TPTE2: variants seen among roughly 807,000 people sequenced by gnomAD.
The protein encoded by TPTE2 is phosphatidylinositol 3,4,5-trisphosphate 3-phosphatase TPTE2.
TPTE2 carries 53 observed loss-of-function variants against 78.6 expected under a neutral mutation model. The ratio of observed to expected loss-of-function variants is 0.67; its 90% confidence interval spans 0.54 to 0.85. The LOEUF (loss-of-function observed/expected upper bound fraction) is 0.85, where lower values mean the gene tolerates loss of function less well. Ranked by LOEUF, TPTE2 falls within the 40% of genes least tolerant of loss-of-function variation. The pLI, the probability that TPTE2 is intolerant of heterozygous loss-of-function variation, is 0.00. For missense variants in TPTE2, 461 were observed against 623.0 expected, an observed-to-expected ratio of 0.74 and a Z score of 2.77; for synonymous variants, 175 against 206.2, an observed-to-expected ratio of 0.85 and a Z score of 1.30.
intron 7 of TPTE2, among the ~76,000 whole-genome samples, chr13:19,466,993 T>C (rs904806957): frequency 5.9e-5 from 9 of 152,228 alleles, no homozygotes; most frequent in African/African-American, 2.2e-4. Flanking sequence ...GGTACTGCCA[T>C]CTTCTTTATT....
the TPTE2 span, among the ~76,000 whole-genome samples, chr13:19,550,304 T>C: frequency 5.3e-5 from 8 of 152,348 alleles, no homozygotes; most frequent in Non-Finnish European, 1.0e-4. Context: ...ATAAATTCCG[T>C]TGGAGTTTGA....
intron 1 of TPTE2, among the ~76,000 whole-genome samples, chr13:19,524,478 A>C (rs752652723): frequency 2.0e-5 from 3 of 152,234 alleles, no homozygotes; most frequent in Non-Finnish European, 4.4e-5. Context: ...AGGATACCCA[A>C]AGTTAAAGTT....
intron 13 of TPTE2, among the ~76,000 whole-genome samples, chr13:19,445,254 G>GA (rs1877750862): frequency 6.6e-6 from 1 of 151,786 alleles, no homozygotes; most frequent in South Asian, 2.1e-4. Context: ...ACAATCAGGA[G>GA]AAAAAAGATG....
intron 7 of TPTE2, among the ~76,000 whole-genome samples, chr13:19,466,286 T>C (rs1879264567): frequency 6.6e-6 from 1 of 152,202 alleles, no homozygotes; most frequent in African/African-American, 2.4e-5. Context: ...CTTCTTATAT[T>C]TCTAGCAAGC....
intron 6 of TPTE2, among the ~76,000 whole-genome samples, chr13:19,472,639 T>C (rs1045092806): frequency 2.6e-5 from 4 of 152,234 alleles, no homozygotes; most frequent in African/African-American, 9.6e-5. Flanking sequence ...GTCACATATA[T>C]CTGTTTCTAC....
chr13:19,539,106 T>C (rs1352075326), upstream of TPTE2, among the ~76,000 whole-genome samples: 1 of 152,174 alleles, frequency 6.6e-6, no homozygotes, highest in African/African-American at 2.4e-5. Flanking sequence ...CATTAATCCA[T>C]GTGTGGATTA....
chr13:19,437,907 C>A (rs753764848), intron 14 of TPTE2, among the ~76,000 whole-genome samples, 185 bp downstream of exon 17: 83 of 152,136 alleles, frequency 5.5e-4, no homozygotes, highest in Non-Finnish European at 9.3e-4. Context: ...ATTCTGCAGT[C>A]AGCTACTAAC....
rs921254840 is a variant in TPTE2, at chr13:19,514,307, G to A, written c.-43-11030C>T. On this transcript the variant is annotated intron_variant, in intron 1 of 17. Coordinates refer to the TPTE2 transcript ENST00000390680. ...GTTACCAAAGATGCTTAAAGTCTCT[G>A]ATTGAAAGCTGTTATTGCCATTGAT... Among the ~76,000 whole-genome samples, 21 of 152,222 alleles carry A rather than the reference G, an allele frequency of 1.4e-4. No individual in the cohort carries two copies. In the Middle Eastern group the frequency reaches 0.01, roughly 74 times the overall value.
At chr13:19,539,863 G>A (rs1045809224), upstream of TPTE2, among the ~76,000 whole-genome samples, 10 of 152,072 alleles carry the variant, frequency 6.6e-5, no homozygotes, top group African/African-American at 2.4e-4. Context: ...ATCCCATTGG[G>A]GCCAGGCATG....
chr13:19,437,608 A>G (rs1877190888), intron 14 of TPTE2, among the ~76,000 whole-genome samples: 1 of 152,192 alleles, frequency 6.6e-6, no homozygotes, highest in South Asian at 2.1e-4. Context: ...CGAGGAAGGA[A>G]GAAGTCATGG....
At chr13:19,476,382 T>C (rs183351107) in intron 4 of TPTE2, among the ~76,000 whole-genome samples, 2 of 148,112 alleles carry the variant, frequency 1.4e-5, no homozygotes, top group African/African-American at 5.0e-5. Context: ...CACAGGAGAC[T>C]TCAGTAGGAG....
At chr13:19,550,600 A>C in the TPTE2 span, among the ~76,000 whole-genome samples, 1 of 152,204 alleles carries the variant, frequency 6.6e-6, no homozygotes, top group African/African-American at 2.4e-5. Flanking sequence ...TACTCCTCAC[A>C]CCAATCTCAT....
At chr13:19,504,506 G>A (rs1157130230), upstream of TPTE2, among the ~76,000 whole-genome samples, 4 of 151,742 alleles carry the variant, frequency 2.6e-5, no homozygotes, top group Admixed American at 1.3e-4. Context: ...TTTTTTCCCC[G>A]AGGGCTCCAC....
intron 1 of TPTE2, among the ~76,000 whole-genome samples, chr13:19,536,237 A>T (rs1871205729): frequency 6.6e-6 from 1 of 152,192 alleles, no homozygotes; most frequent in Admixed American, 6.5e-5. Flanking sequence ...TGTCTACATT[A>T]TGTGCTCATT....
upstream of TPTE2, among the ~76,000 whole-genome samples, chr13:19,504,426 T>C (rs1274813620): frequency 6.6e-6 from 1 of 152,048 alleles, no homozygotes; most frequent in African/African-American, 2.4e-5. Flanking sequence ...GGTGTGGGCT[T>C]GTAGTGTTAG....
intron 10 of TPTE2, among the ~76,000 whole-genome samples, chr13:19,461,992 A>T (rs1593371202): frequency 7.2e-6 from 1 of 138,714 alleles, no homozygotes; most frequent in Non-Finnish European, 1.5e-5. Flanking sequence ...TGGGAATTTG[A>T]TCTGTTTACA....
rs779899870 is a variant in TPTE2, at chr13:19,489,347, T to C, written c.119+3503A>G. On this transcript the variant is annotated intron_variant, in intron 3 of 19. Coordinates refer to ENST00000400230, the Ensembl canonical transcript of TPTE2. Reference sequence around the variant, plus strand: ...TACAAACCTTCAGTTTATAAAAAAGTAATATCTGAGGGGCAATAAAGTAAA... The same window carrying C: ...TACAAACCTTCAGTTTATAAAAAAGCAATATCTGAGGGGCAATAAAGTAAA... 2.8e-4 allele frequency among the ~76,000 whole-genome samples: 42 copies of C among 152,008 alleles called. 1 individual carries two copies. The highest frequency in any genetic ancestry group is 3.4e-3 in the Middle Eastern group (1 of 292).
At chr13:19,439,897 A>T (rs2137502464) in intron 13 of TPTE2, among the ~76,000 whole-genome samples, 1 of 152,338 alleles carries the variant, frequency 6.6e-6, no homozygotes, top group East Asian at 1.9e-4. Flanking sequence ...ATCCAGTCAG[A>T]CAAAAATAAA....
At chr13:19,476,950 T>A (rs894337573) in intron 4 of TPTE2, among the ~76,000 whole-genome samples, 1 of 152,088 alleles carries the variant, frequency 6.6e-6, no homozygotes, top group Non-Finnish European at 1.5e-5. Flanking sequence ...AGCAAAGACA[T>A]GGAATCAACC....
Sources: gnomAD v4.1 joint callset for allele counts (sites outside exome capture counted in the v4.1 genomes callset) on GRCh38, gnomAD v4.1.1 for gene constraint, MANE v1.5 for transcripts, NCBI Gene and HGNC (gene_info 2026-07-23, HGNC 2026-07-21) for gene names.